Variants in SIGLEC11 observed in about 807,000 individuals in gnomAD.
The protein encoded by SIGLEC11 is sialic acid-binding Ig-like lectin 11.
In SIGLEC11, 47 loss-of-function variants were observed where a neutral mutation model predicts 61.2. The observed-to-expected ratio is 0.77, with a 90% CI of 0.61 to 0.98. The LOEUF (loss-of-function observed/expected upper bound fraction) is 0.98. Among genes scored for constraint, SIGLEC11 ranks in the 50% least tolerant of loss-of-function variants. The probability of loss-of-function intolerance (pLI) is 0.00; values close to 1 mark genes in which losing one functional copy is unlikely to be tolerated. For missense variants in SIGLEC11, 610 were observed against 870.3 expected, an observed-to-expected ratio of 0.70 and a Z score of 3.76; for synonymous variants, 278 against 373.1, an observed-to-expected ratio of 0.75 and a Z score of 2.94.
At chr19:49,960,484 C>T in intron 2 of SIGLEC11, 63 bp from the exon 3 acceptor site, 2 of 1,587,430 alleles carry the variant, frequency 1.3e-6, no homozygotes, top group Non-Finnish European at 1.7e-6. Flanking sequence ...CCTCTCTGCT[C>T]AGCCCATAGC....
At chr19:49,956,599 A>AT (rs1600614101) in intron 8 of SIGLEC11, among the ~76,000 whole-genome samples, 2 of 152,348 alleles carry the variant, frequency 1.3e-5, no homozygotes, top group East Asian at 3.9e-4. Context: ...GTTAAAAAAA[A>AT]TGCAAACACA....
chr19:49,952,532 C>T (rs2076165710), intron 8 of SIGLEC11, 138 bp from the exon 9 acceptor site: 1 of 613,280 alleles, frequency 1.6e-6, no homozygotes, highest in African/African-American at 1.8e-5. Context: ...CATTCATTCA[C>T]TCCAAGAAAA....
In SIGLEC11 at chr19:49,951,945, G is replaced by A. The variant is rs112796514; in HGVS notation, c.1776C>T (p.Arg592=). ...FRVKICRKEA[R]KRAAAEQDVP... is the part of the protein sequence containing the mutation. ...CGTCCTGCTCAGCTGCTGCCCTCTT[G>A]CGAGCTTCCTTCCTGCAGATCTTCA... The change falls in exon 10 of 11, where the codon CGC becomes CGT. Residue 592 remains arginine (R), a synonymous_variant. Transcript: ENST00000447370. This position sits in a 1 kb window ranked among gnomAD's most constrained non-coding sequence, Gnocchi z 4.6. The A allele has an allele frequency of 0.011, 17,284 of 1,611,058 alleles. 113 individuals carry two copies. The highest frequency in any genetic ancestry group is 0.013 in the Non-Finnish European group (14,840 of 1,178,998).
rs753232093 is a variant in SIGLEC11, at chr19:49,952,339, G to C, written c.1707C>G (p.Val569=). The C allele has an allele frequency of 1.2e-6, 2 of 1,611,218 alleles. No homozygotes were observed. The highest frequency in any genetic ancestry group is 3.3e-5 in the Admixed American group (2 of 59,998). Reference sequence around the variant, plus strand: ...AGGAACAGAAAGCGAGCAGGGCAGCGACGCCAGCTCCCAGGGCAGCCCCCA... The same window carrying C: ...AGGAACAGAAAGCGAGCAGGGCAGCCACGCCAGCTCCCAGGGCAGCCCCCA... The part of the protein sequence containing the change: ...LGLGAALGAG[V]AALLAFCSCL... Residue 569 remains valine (V), a synonymous_variant, in exon 9 of 11, where the codon GTC becomes GTG. Transcript: ENST00000447370.
At chr19:49,953,815 A>G (rs1165107486) in intron 8 of SIGLEC11, among the ~76,000 whole-genome samples, 3 of 152,130 alleles carry the variant, frequency 2.0e-5, no homozygotes, top group Non-Finnish European at 4.4e-5. Context: ...GCCGTAAAGG[A>G]AGGAATAGAA....
At chr19:49,956,106 G>A (rs562095595) in intron 8 of SIGLEC11, among the ~76,000 whole-genome samples, 12 of 152,248 alleles carry the variant, frequency 7.9e-5, no homozygotes, top group Middle Eastern at 3.4e-3. Context: ...GGACTAACAC[G>A]GAAGACCAAT....
At chr19:49,954,531 G>A (rs949238286) in intron 8 of SIGLEC11, among the ~76,000 whole-genome samples, 9 of 152,152 alleles carry the variant, frequency 5.9e-5, no homozygotes, top group African/African-American at 2.2e-4. Flanking sequence ...GGCCAGGTTC[G>A]GAGGTGGGGG....
chr19:49,952,323 A>G lies in SIGLEC11; in HGVS notation c.1723T>C (p.Phe575Leu), dbSNP rs776332120. ...LGAGVAALLA[F>L]CSCLVVFRVK... ...CTGAAGACGACAAGGCAGGAACAGAAAGCGAGCAGGGCAGCGACGCCAGCT... is the reference window on the plus strand; with the variant it reads ...CTGAAGACGACAAGGCAGGAACAGAGAGCGAGCAGGGCAGCGACGCCAGCT... Residue 575 changes from phenylalanine (F) to leucine (L), a missense_variant, in exon 9 of 11, where the codon TTC becomes CTC. By Grantham distance (22) the Phe-to-Leu change is conservative. Around this residue, in one of 6 missense-constraint regions of SIGLEC11, gnomAD observed 432 missense variants for 441.5 expected, o/e 0.98. Transcript: ENST00000447370. 7 of 1,612,328 alleles carry G rather than the reference A, an allele frequency of 4.3e-6. No individual in the cohort carries two copies. The East Asian group carries it at 1.3e-4, about 31-fold the overall frequency.
chr19:49,950,100 T>C lies in SIGLEC11; in HGVS notation c.1967A>G (p.Glu656Gly). Residue 656 changes from glutamate to glycine, a missense_variant, in exon 11 of 11, where the codon GAG becomes GGG. By Grantham distance (98) the Glu-to-Gly change is moderately conservative (BLOSUM62 -2). Coordinates refer to ENST00000447370, the MANE Select transcript of SIGLEC11 (RefSeq NM_052884.3). ...SLSFQGLRLWEPADQEAPSTT... is the reference protein window; with the variant it reads ...SLSFQGLRLWGPADQEAPSTT... ...GCTGGGGGCCTCCTGGTCCGCAGGC[T>C]CCCAGAGCCTCAGGCCCTGGAAGCT... is the stretch of plus-strand genomic sequence containing the variant. 2.5e-6 allele frequency: 4 copies of C among 1,612,046 alleles called. No homozygotes were observed. Among genetic ancestry groups the C allele is most frequent in the Non-Finnish European group, 3.4e-6 (4 of 1,179,048 alleles).
In SIGLEC11 at chr19:49,950,060, C is replaced by T. The variant is rs9304690; in HGVS notation, c.2007G>A (p.Ser669=). ...GCTGTCCTGTGTGGATCTTGATCTC[C>T]GAGTACTCGGTGGTGCTGGGGGCCT... ...DQEAPSTTEY[S]EIKIHTGQPL... The change falls in exon 11 of 11, where the codon TCG becomes TCA. Residue 669 remains serine (S), a synonymous_variant. Transcript: ENST00000447370. 375,360 of 1,604,506 alleles carry T rather than the reference C, an allele frequency of 0.23. 46,201 individuals are homozygous for T. The highest frequency in any genetic ancestry group is 0.3 in the South Asian group (27,288 of 90,142).
chr19:49,960,924 T>A lies in SIGLEC11; in HGVS notation c.88A>T (p.Lys30Ter), dbSNP rs2076242603. 8 of 1,479,742 alleles carry A rather than the reference T, an allele frequency of 5.4e-6. No individual in the cohort carries two copies. The highest frequency in any genetic ancestry group is 7.4e-6 in the Non-Finnish European group (8 of 1,084,472). The allele number at this position is 1,479,742 out of a possible 1,614,324, so 91.7% of individuals were successfully genotyped here. Residue 30 changes from lysine (K) to a stop codon, truncating the protein, a stop_gained, in exon 2 of 11, where the codon AAG (lysine) becomes TAG (stop). Transcript: ENST00000447370. LOFTEE classifies it high-confidence loss of function. ...ACTTGAAGACTGTAACTGGGATCCT[T>A]GTTCAGGGACCCTGGGGAGATGCAG... is the stretch of plus-strand genomic sequence containing the variant. ...LPVLGAGSLN[K>*]DPSYSLQVQR...
intron 8 of SIGLEC11, among the ~76,000 whole-genome samples, chr19:49,957,301 C>A (rs150099473): frequency 4.3e-4 from 66 of 151,770 alleles, no homozygotes; most frequent in African/African-American, 1.6e-3. Context: ...TTATAAAAAA[C>A]ATCAAAAGGG....
rs2076188452 is a variant in SIGLEC11, at chr19:49,955,326, A to AAG, written c.1652-2933_1652-2932insCT. On this transcript the variant is annotated intron_variant, in intron 8 of 10. Transcript: ENST00000447370. The surrounding 1 kb of genome is among the most constrained non-coding windows in gnomAD (Gnocchi z 4.5). ...CCAGAAAAAAAGCCAAAAAAAAAAA[A>AAG]AAAAAGAAAGGCATAATTCTTACAA... Among the ~76,000 whole-genome samples, 1 of 152,046 alleles carries AAG rather than the reference A, an allele frequency of 6.6e-6. No individual in the cohort carries two copies. The highest frequency in any genetic ancestry group is 1.5e-5 in the Non-Finnish European group (1 of 67,970).
rs112178012 is a variant in SIGLEC11 at position 49,955,675 on chromosome 19, C to T, written c.1651+2608G>A. Among the ~76,000 whole-genome samples, 1,718 of 152,334 alleles carry T rather than the reference C, an allele frequency of 0.011. 30 individuals carry two copies. Among genetic ancestry groups the T allele is most frequent in the African/African-American group, 0.039 (1,629 of 41,588 alleles). ...GCAGGCCGGGCATGGCGGCTCACAC[C>T]TGTAATCCCAGCACTTTGGGAGGCC... is the stretch of plus-strand genomic sequence containing the variant. On this transcript the variant is annotated intron_variant, in intron 8 of 10. Coordinates refer to ENST00000447370, the MANE Select transcript of SIGLEC11 (RefSeq NM_052884.3). The surrounding 1 kb of genome is among the most constrained non-coding windows in gnomAD (Gnocchi z 4.5).
chr19:49,958,731 G>A lies in SIGLEC11; in HGVS notation c.1275C>T (p.Pro425=), dbSNP rs747814700. 36 of 1,613,670 alleles carry A rather than the reference G, an allele frequency of 2.2e-5. No individual in the cohort carries two copies. Among genetic ancestry groups the A allele is most frequent in the Non-Finnish European group, 3.1e-5 (36 of 1,179,814 alleles). ...ACTCTCCTTCGTGCTCCATTTGAATGGGTGGCAGCTCCAGGACCCCGGGGT... is the reference window on the plus strand; with the variant it reads ...ACTCTCCTTCGTGCTCCATTTGAATAGGTGGCAGCTCCAGGACCCCGGGGT... ...PSDPGVLELP[P]IQMEHEGEFT... Residue 425 remains proline (P), a synonymous_variant, in exon 7 of 11, where the codon CCC becomes CCT. Transcript: ENST00000447370.
In SIGLEC11 at chr19:49,958,567, G is replaced by A. The variant is rs765843318; in HGVS notation, c.1367C>T (p.Pro456Leu). ...HVSLSLSVHY[P>L]PQLLGPSCSW... ...GCAGGAGGGGCCCAGCAGCTGTGGA[G>A]GGTCTGTGGGGAGGGAGGACAGGAC... The change falls in exon 8 of 11, where the codon CCT becomes CTT. Residue 456 changes from proline to leucine, a missense_variant. By Grantham distance (98) the Pro-to-Leu change is moderately conservative. Coordinates refer to ENST00000447370, the MANE Select transcript of SIGLEC11 (RefSeq NM_052884.3). 10 of 1,571,150 alleles carry A rather than the reference G, an allele frequency of 6.4e-6. No homozygotes were observed. The highest frequency in any genetic ancestry group is 8.6e-6 in the Non-Finnish European group (10 of 1,160,316).
Position 49,951,983 on chromosome 19 carries a change from A to T in SIGLEC11, c.1749-11T>A, listed in dbSNP as rs763705840. The T allele has an allele frequency of 5.6e-6, 9 of 1,604,794 alleles. No homozygotes were observed. In the East Asian group the frequency reaches 2.0e-4, roughly 36 times the overall value. Reference sequence around the variant, plus strand: ...CTGCAGATCTTCACCCTGAGGGAGGAGGCAGTGCCCTTCAGCCTCCAGGCT... The same window carrying T: ...CTGCAGATCTTCACCCTGAGGGAGGTGGCAGTGCCCTTCAGCCTCCAGGCT... On this transcript the variant is annotated splice_polypyrimidine_tract_variant and intron_variant, in intron 9 of 10. Transcript: ENST00000447370. This position sits in a 1 kb window ranked among gnomAD's most constrained non-coding sequence, Gnocchi z 4.6.
At chr19:49,954,810 A>T (rs560625246) in intron 8 of SIGLEC11, among the ~76,000 whole-genome samples, 3 of 152,302 alleles carry the variant, frequency 2.0e-5, no homozygotes, top group African/African-American at 7.2e-5. Flanking sequence ...GCTCAGGCAT[A>T]CACTCAAGGT....
chr19:49,954,080 G>A (rs1445340823), intron 8 of SIGLEC11, among the ~76,000 whole-genome samples: 1 of 152,104 alleles, frequency 6.6e-6, no homozygotes, highest in Non-Finnish European at 1.5e-5. Context: ...ATTGATTCAT[G>A]GTTAAATACA....
Sources: allele counts gnomAD v4.1 joint callset (sites outside exome capture counted in the v4.1 genomes callset), GRCh38; gene constraint gnomAD v4.1.1; regional missense constraint gnomAD v4.1.1; non-coding constraint Gnocchi (gnomAD v3.1); transcripts MANE v1.5; gene names NCBI Gene and HGNC (gene_info 2026-07-23, HGNC 2026-07-21).